The following ROBO2 variants were observed in gnomAD, a reference collection of about 807,000 sequenced individuals.
The protein encoded by ROBO2 is roundabout homolog 2.
A neutral mutation model predicts 160.8 loss-of-function variants in ROBO2; 53 were observed. That is an observed-to-expected ratio of 0.33 (90% CI 0.26 to 0.41). The LOEUF is 0.41. Among genes scored for constraint, ROBO2 ranks in the 10% least tolerant of loss-of-function variants. ROBO2 has a pLI of 1.00. For synonymous variants in ROBO2, 664 were observed against 611.7 expected, an observed-to-expected ratio of 1.09 and a Z score of -1.26; for missense variants, 1,577 against 1,722.4, an observed-to-expected ratio of 0.92 and a Z score of 1.49.
intron 1 of ROBO2, among the ~76,000 whole-genome samples, chr3:77,076,487 A>G (rs768779600): frequency 1.6e-4 from 23 of 147,698 alleles, no homozygotes; most frequent in Middle Eastern, 3.8e-3. Context: ...TAAATAAAAT[A>G]AGTAAAATGA....
At chr3:76,896,319 T>C (rs1369614527) in intron 2 of ROBO2, among the ~76,000 whole-genome samples, 1 of 152,190 alleles carries the variant, frequency 6.6e-6, no homozygotes, top group African/African-American at 2.4e-5. Context: ...TATCTTTTCA[T>C]TTAAAATAGT....
chr3:76,904,143 T>C lies in ROBO2; in HGVS notation c.110-193871T>C, dbSNP rs139862888. Among the ~76,000 whole-genome samples the C allele has an allele frequency of 2.0e-5, 3 of 152,278 alleles. No individual in the cohort carries two copies. In the East Asian group the frequency reaches 5.8e-4, roughly 29 times the overall value. Reference sequence around the variant, plus strand: ...TTATATGGAGAAAAAACATGTACTTTTTATGATTCATTTTAACTATTTTTA... The same window carrying C: ...TTATATGGAGAAAAAACATGTACTTCTTATGATTCATTTTAACTATTTTTA... On this transcript the variant is annotated intron_variant, in intron 2 of 26. Coordinates refer to the ROBO2 transcript ENST00000487694.
intron 2 of ROBO2, among the ~76,000 whole-genome samples, chr3:77,321,344 C>A (rs917504714): frequency 6.6e-6 from 1 of 151,930 alleles, no homozygotes; most frequent in Admixed American, 6.6e-5. Flanking sequence ...CAGGGAGACC[C>A]CATCTCCACA....
intron 2 of ROBO2, among the ~76,000 whole-genome samples, chr3:76,034,404 G>A (rs192301673): frequency 5.3e-5 from 8 of 152,122 alleles, no homozygotes; most frequent in East Asian, 3.9e-4. Flanking sequence ...TTTTCTCCCC[G>A]TGTGAAATAG....
chr3:76,826,780 C>T (rs536342599), intron 2 of ROBO2, among the ~76,000 whole-genome samples: 5 of 152,276 alleles, frequency 3.3e-5, no homozygotes, highest in African/African-American at 1.2e-4. Context: ...ACCTGACATA[C>T]TCATACCCTA....
chr3:77,477,759 G>A (rs1296871399), intron 3 of ROBO2, among the ~76,000 whole-genome samples, 188 bp downstream of exon 3: 7 of 150,454 alleles, frequency 4.7e-5, no homozygotes, highest in Non-Finnish European at 8.9e-5. Context: ...TGTAAATCAA[G>A]TGTACATGAA....
At chr3:76,158,569 G>C (rs1252610735) in intron 2 of ROBO2, among the ~76,000 whole-genome samples, 1 of 151,802 alleles carries the variant, frequency 6.6e-6, no homozygotes, top group African/African-American at 2.4e-5. Flanking sequence ...GATTTATTTT[G>C]TATACATACT....
chr3:76,254,450 C>A (rs1025089306), intron 2 of ROBO2, among the ~76,000 whole-genome samples: 1 of 152,038 alleles, frequency 6.6e-6, no homozygotes, highest in African/African-American at 2.4e-5. Context: ...ATTTTTCCAG[C>A]GTGTAAATGC....
In ROBO2 at chr3:77,053,770, G is replaced by T. The variant is rs190560906; in HGVS notation, c.61+12924G>T. 3.9e-5 allele frequency among the ~76,000 whole-genome samples: 6 copies of T among 152,272 alleles called. No individual in the cohort carries two copies. In the East Asian group the frequency reaches 1.2e-3, roughly 29 times the overall value. On this transcript the variant is annotated intron_variant, in intron 1 of 25. Transcript: ENST00000461745. ...CTAATGCTTTATTTGGTATATAAAT[G>T]TAAACTAATTCTTCAGGGAAATAAT... is the stretch of plus-strand genomic sequence containing the variant.
At chr3:76,201,311 C>T (rs1317834876) in intron 2 of ROBO2, among the ~76,000 whole-genome samples, 1 of 152,124 alleles carries the variant, frequency 6.6e-6, no homozygotes, top group Non-Finnish European at 1.5e-5. Context: ...TTATTCATAA[C>T]GTTGCCACTT....
At chr3:76,960,307 G>A (rs934432548) in intron 2 of ROBO2, among the ~76,000 whole-genome samples, 1 of 152,082 alleles carries the variant, frequency 6.6e-6, no homozygotes, top group African/African-American at 2.4e-5. Flanking sequence ...TCAGAAGAAA[G>A]TTAGAGGTGC....
At chr3:76,294,776 C>T (rs2107715718) in intron 2 of ROBO2, among the ~76,000 whole-genome samples, 1 of 152,290 alleles carries the variant, frequency 6.6e-6, no homozygotes, top group African/African-American at 2.4e-5. Context: ...GCTTTGCAGG[C>T]AATAGCCAGT....
chr3:76,399,344 A>C (rs1391006012), intron 2 of ROBO2, among the ~76,000 whole-genome samples: 1 of 151,710 alleles, frequency 6.6e-6, no homozygotes, highest in South Asian at 2.1e-4. Flanking sequence ...ACCTAGAGGA[A>C]GGAACTCTTT....
At chr3:76,212,919 CT>C (rs375244708) in intron 2 of ROBO2, among the ~76,000 whole-genome samples, 147,289 of 151,926 alleles carry the variant, frequency 0.97, 71,526 homozygotes, top group Non-Finnish European at 1. Flanking sequence ...CTTAGTTTCA[CT>C]TTTGGTATTT....
intron 2 of ROBO2, among the ~76,000 whole-genome samples, chr3:76,140,792 T>C (rs1369301748): frequency 6.6e-6 from 1 of 151,492 alleles, no homozygotes; most frequent in African/African-American, 2.4e-5. Context: ...ATGCCCATTA[T>C]CCTTTGAGGG....
chr3:77,550,701 TA>T, intron 7 of ROBO2, 116 bp from the exon 9 acceptor site: 1 of 1,057,144 alleles, frequency 9.5e-7, no homozygotes, highest in Non-Finnish European at 1.4e-6. Flanking sequence ...GAACCATATA[TA>T]TTTTAATCTG....
chr3:77,591,155 A>G (rs1453691278), intron 17 of ROBO2, among the ~76,000 whole-genome samples: 1 of 152,174 alleles, frequency 6.6e-6, no homozygotes, highest in Non-Finnish European at 1.5e-5. Flanking sequence ...AATATACATT[A>G]TTAGACAAAA....
At chr3:77,383,833 T>G (rs1471205910) in intron 2 of ROBO2, among the ~76,000 whole-genome samples, 3 of 152,162 alleles carry the variant, frequency 2.0e-5, no homozygotes, top group Non-Finnish European at 4.4e-5. Flanking sequence ...TACTTTCTAA[T>G]ATTCCATAGA....
intron 23 of ROBO2, chr3:77,629,034 G>C (rs2095098586): frequency 6.6e-6 from 1 of 152,206 alleles, no homozygotes; most frequent in African/African-American, 2.4e-5. Context: ...ACAAAAAGCA[G>C]CAGGGAAAAC....
Sources: gnomAD v4.1 joint callset for allele counts (sites outside exome capture counted in the v4.1 genomes callset) on GRCh38, gnomAD v4.1.1 for gene constraint, MANE v1.5 for transcripts, NCBI Gene and HGNC (gene_info 2026-07-23, HGNC 2026-07-21) for gene names.